Variants in PLA2G4C observed in about 807,000 individuals in gnomAD.
PLA2G4C encodes cytosolic phospholipase A2 gamma.
PLA2G4C carries 64 observed loss-of-function variants against 73.8 expected under a neutral mutation model. The observed-to-expected ratio is 0.87, with a 90% CI of 0.71 to 1.07. The LOEUF is 1.07. Among genes scored for constraint, PLA2G4C ranks in the 50% least tolerant of loss-of-function variants. The pLI, the probability that PLA2G4C is intolerant of heterozygous loss-of-function variation, is 0.00. For missense variants in PLA2G4C, 622 were observed against 665.4 expected (o/e 0.93, Z 0.72); for synonymous variants, 254 against 252.1 (o/e 1.01, Z -0.07).
chr19:48,087,010 A>G (rs11564571), intron 9 of PLA2G4C, among the ~76,000 whole-genome samples: 2,429 of 152,274 alleles, frequency 0.016, 29 homozygotes, highest in Middle Eastern at 0.027. Flanking sequence ...GACATTCCCA[A>G]GAACCAGCCT....
rs1260409498 is a variant in PLA2G4C, at chr19:48,057,480, C to CTTT, written c.1258-2432_1258-2431insAAA. 9.6e-4 allele frequency among the ~76,000 whole-genome samples: 27 copies of CTTT among 28,084 alleles called. 1 individual carries two copies. Among genetic ancestry groups the CTTT allele is most frequent in the South Asian group, 6.5e-3 (2 of 310 alleles). 18.4% of individuals were successfully genotyped at this position (28,084 alleles called of 152,430 possible). A position where few individuals can be genotyped will look rare whatever the true frequency, so the allele number is the denominator to read the frequency against. Reference sequence around the variant, plus strand: ...GTTTCTTCTTCTTCTTCTTCTTCTTCTTCTTTTTTTTTTTTTTTTTTTTTT... The same window carrying CTTT: ...GTTTCTTCTTCTTCTTCTTCTTCTTCTTTTTCTTTTTTTTTTTTTTTTTTTTTT... On this transcript the variant is annotated intron_variant, in intron 14 of 16. Transcript: ENST00000599921.
intron 13 of PLA2G4C, among the ~76,000 whole-genome samples, chr19:48,062,588 T>C (rs952009722): frequency 5.3e-5 from 8 of 152,066 alleles, no homozygotes; most frequent in Admixed American, 3.3e-4. Context: ...CCAGCCTGGG[T>C]GACAGAGCGA....
chr19:48,104,676 T>C lies in PLA2G4C; in HGVS notation c.169A>G (p.Ile57Val). The change falls in exon 4 of 17, where the codon ATT (isoleucine) becomes GTT (valine). Residue 57 changes from isoleucine (I) to valine (V), a missense_variant. Ile to Val is a conservative substitution (Grantham distance 29). Coordinates refer to ENST00000599921, the MANE Select transcript of PLA2G4C (RefSeq NM_003706.3). ...LGSGGGLRAH[I>V]ACLGVLSEMK... Reference sequence around the variant, plus strand: ...TCACTCAGGACCCCAAGGCAGGCAATGTGAGCCCGCAGTCCTCCGCCTGAG... The same window carrying C: ...TCACTCAGGACCCCAAGGCAGGCAACGTGAGCCCGCAGTCCTCCGCCTGAG... 1 of 1,613,926 alleles carries C rather than the reference T, an allele frequency of 6.2e-7. No homozygotes were observed. The highest frequency in any genetic ancestry group is 8.5e-7 in the Non-Finnish European group (1 of 1,179,912).
chr19:48,081,405 A>G (rs2030553690), intron 10 of PLA2G4C, among the ~76,000 whole-genome samples: 1 of 152,182 alleles, frequency 6.6e-6, no homozygotes, highest in African/African-American at 2.4e-5. Flanking sequence ...AGGCATACAG[A>G]GTGGCATAAC....
At chr19:48,104,499 G>T in intron 4 of PLA2G4C, 89 bp downstream of exon 4, 2 of 1,312,396 alleles carry the variant, frequency 1.5e-6, no homozygotes, top group Non-Finnish European at 2.2e-6. Context: ...AAGCAGCGTT[G>T]GAAAAAACCA....
Position 48,103,708 on chromosome 19 carries a change from CTGA to C in PLA2G4C, c.257+877_257+879del, listed in dbSNP as rs1472518299. 2.6e-5 allele frequency among the ~76,000 whole-genome samples: 4 copies of C among 152,218 alleles called. 1 individual carries two copies. In the South Asian group the frequency reaches 6.2e-4, roughly 24 times the overall value. ...TTAATGCAATACTTTATCATAGAGG[CTGA>C]TAAGTTAAAAGGGCTGTATTCTATC... On this transcript the variant is annotated intron_variant, in intron 4 of 16. Transcript: ENST00000599921.
At chr19:48,107,719 T>C (rs1343210186) in intron 1 of PLA2G4C, among the ~76,000 whole-genome samples, 3 of 152,182 alleles carry the variant, frequency 2.0e-5, no homozygotes, top group Non-Finnish European at 4.4e-5. Context: ...ACCATCTCCC[T>C]GTGATGCTGT....
chr19:48,050,944 G>A (rs1967703689), intron 16 of PLA2G4C, among the ~76,000 whole-genome samples: 1 of 152,056 alleles, frequency 6.6e-6, no homozygotes, highest in African/African-American at 2.4e-5. Flanking sequence ...CAAAGTGCTG[G>A]GATTACAGGT....
intron 1 of PLA2G4C, 194 bp from the exon 2 acceptor site, chr19:48,106,755 G>GC: frequency 1.8e-6 from 1 of 565,414 alleles, no homozygotes. Flanking sequence ...GAGGAGAATG[G>GC]GAGAAATATT....
At chr19:48,081,648 A>G (rs990619883) in intron 10 of PLA2G4C, among the ~76,000 whole-genome samples, 6 of 152,016 alleles carry the variant, frequency 3.9e-5, no homozygotes, top group African/African-American at 1.5e-4. Flanking sequence ...AATCCCAGCT[A>G]CTCGGGAGGT....
At chr19:48,095,669 G>A (rs1403230652) in intron 6 of PLA2G4C, 65 bp from the exon 7 acceptor site, 53 of 1,503,684 alleles carry the variant, frequency 3.5e-5, no homozygotes, top group Admixed American at 6.8e-5. Flanking sequence ...AGGTATGCAG[G>A]AAAAAGAAAT....
rs898215006 is a variant in PLA2G4C, at chr19:48,054,889, T to A, written c.1418A>T (p.Asp473Val). The A allele has an allele frequency of 6.2e-7, 1 of 1,613,892 alleles. No individual in the cohort carries two copies. Among genetic ancestry groups the A allele is most frequent in the African/African-American group, 1.3e-5 (1 of 74,868 alleles). Residue 473 changes from aspartate to valine, a missense_variant, in exon 15 of 17, where the codon GAT becomes GTT. Asp to Val is a radical substitution (Grantham distance 152). Transcript: ENST00000599921. ...VVMHFPLFNI[D>V]ACGGDIEAWS... ...TCCCCTGCACCTACCTCCACAGGCA[T>A]CTATGTTGAACAGGGGAAAATGCAT...
intron 15 of PLA2G4C, among the ~76,000 whole-genome samples, chr19:48,053,828 G>A (rs1967823860): frequency 6.6e-6 from 1 of 152,154 alleles, no homozygotes; most frequent in Non-Finnish European, 1.5e-5. Flanking sequence ...CGATTGACAA[G>A]CTAAAAGGAG....
chr19:48,104,753 G>A, intron 3 of PLA2G4C, 29 bp from the exon 4 acceptor site: 1 of 1,611,722 alleles, frequency 6.2e-7, no homozygotes, highest in Non-Finnish European at 8.5e-7. Flanking sequence ...ATCGATCAGA[G>A]GTTTAGAGCC....
Position 48,095,478 on chromosome 19 carries a change from A to T in PLA2G4C, c.695T>A (p.Leu232Gln). ...RLVRTHPERD[L>Q]TFLRGLWGSA... ...CCAGCGCTGACCTCTCAGGAAAGTC[A>T]GGTCTCTCTCAGGGTGAGTTCTGAC... is the stretch of plus-strand genomic sequence containing the variant. The change falls in exon 7 of 17, where the codon CTG becomes CAG. Residue 232 changes from leucine to glutamine, a missense_variant. Transcript: ENST00000599921. The T allele has an allele frequency of 6.2e-7, 1 of 1,614,060 alleles. No individual in the cohort carries two copies. Among genetic ancestry groups the T allele is most frequent in the Non-Finnish European group, 8.5e-7 (1 of 1,179,996 alleles).
Position 48,067,820 on chromosome 19 carries a change from C to T in PLA2G4C, c.1073G>A (p.Gly358Glu), listed in dbSNP as rs137989760. The T allele has an allele frequency of 8.1e-6, 13 of 1,611,746 alleles. No homozygotes were observed. The Middle Eastern group carries it at 4.9e-4, about 61-fold the overall frequency. Residue 358 changes from glycine to glutamate, a missense_variant, in exon 13 of 17, where the codon GGG (glycine) becomes GAG (glutamate). Gly to Glu is a moderately conservative substitution (Grantham distance 98, BLOSUM62 -2). Coordinates refer to ENST00000599921, the MANE Select transcript of PLA2G4C (RefSeq NM_003706.3). ...TTTGTACAGGAAGTTGTGAGTGGTCCCCCATTCCCACTTTGAAGCGCAAAT... is the reference window on the plus strand; with the variant it reads ...TTTGTACAGGAAGTTGTGAGTGGTCTCCCATTCCCACTTTGAAGCGCAAAT... ...TGICASKWEWGTTHNFLYKHG... is the reference protein window; with the variant it reads ...TGICASKWEWETTHNFLYKHG...
chr19:48,089,837 G>A (rs536612411), intron 8 of PLA2G4C, among the ~76,000 whole-genome samples: 17 of 152,112 alleles, frequency 1.1e-4, no homozygotes, highest in Non-Finnish European at 2.1e-4. Context: ...AGATCCCCGC[G>A]TCTGCACTCA....
chr19:48,058,930 CT>C (rs1249627955), intron 14 of PLA2G4C, among the ~76,000 whole-genome samples: 1 of 151,874 alleles, frequency 6.6e-6, no homozygotes, highest in Admixed American at 6.6e-5. Context: ...TGAAAAAAAA[CT>C]TAGACAATCA....
chr19:48,087,936 C>CA (rs75679224), intron 9 of PLA2G4C, among the ~76,000 whole-genome samples: 8,111 of 123,738 alleles, frequency 0.066, 314 homozygotes, highest in Non-Finnish European at 0.092. Context: ...AACTCTGTCT[C>CA]AAAAAAAAAA....
Sources: gnomAD v4.1 joint callset for allele counts (sites outside exome capture counted in the v4.1 genomes callset) on GRCh38, gnomAD v4.1.1 for gene constraint, MANE v1.5 for transcripts, NCBI Gene and HGNC (gene_info 2026-07-23, HGNC 2026-07-21) for gene names.